The following MAPK12 variants were observed in gnomAD, a reference collection of about 807,000 sequenced individuals.
MAPK12 encodes the protein MAP kinase 12.
MAPK12 carries 49 observed loss-of-function variants against 49.1 expected under a neutral mutation model. The ratio of observed to expected loss-of-function variants is 1.00; its 90% confidence interval spans 0.79 to 1.27. The LOEUF (loss-of-function observed/expected upper bound fraction) is 1.27, where lower values mean the gene tolerates loss of function less well. Ranked by LOEUF, MAPK12 falls within the 50% of genes most tolerant of loss-of-function variation. The probability of loss-of-function intolerance (pLI) is 0.00; values close to 1 mark genes in which losing one functional copy is unlikely to be tolerated. For synonymous variants in MAPK12, 251 were observed against 209.7 expected (o/e 1.20, Z -1.70); for missense variants, 554 against 502.4 (o/e 1.10, Z -0.98).
intron 3 of MAPK12, chr22:50,257,659 G>C: frequency 1.7e-6 from 1 of 587,502 alleles, no homozygotes; most frequent in Non-Finnish European, 3.0e-6. Flanking sequence ...CAGAGGGGTC[G>C]GCTGGGCCGG....
At position 50,261,224 on chromosome 22, in the gene MAPK12, C is replaced by A; in HGVS notation, c.198G>T (p.Leu66=). ...KKLYRPFQSE[L]FAKRAYRELR... is the part of the protein sequence containing the mutation. ...GCTCGCGGTAGGCGCGCTTGGCGAA[C>A]AGCTCGGACTGGAAAGGCCGATACA... Residue 66 remains leucine, a synonymous_variant, in exon 2 of 12, where the codon CTG becomes CTT. Coordinates refer to ENST00000215659, the MANE Select transcript of MAPK12 (RefSeq NM_002969.6). The A allele has an allele frequency of 2.5e-6, 4 of 1,589,002 alleles. No homozygotes were observed. The highest frequency in any genetic ancestry group is 3.4e-6 in the Non-Finnish European group (4 of 1,169,126).
Position 50,256,678 on chromosome 22 carries a change from C to T in MAPK12, c.457-32G>A, listed in dbSNP as rs751298244. 5 of 1,594,770 alleles carry T rather than the reference C, an allele frequency of 3.1e-6. No individual in the cohort carries two copies. In the African/African-American group the frequency reaches 6.7e-5, roughly 22 times the overall value. On this transcript the variant is annotated intron_variant, in intron 5 of 11. Coordinates refer to ENST00000215659, the MANE Select transcript of MAPK12 (RefSeq NM_002969.6). ...GCAGAGGAAAGGTGGCCACTGTGCC[C>T]CACCCTCCCAAGCATGGGCACAGCC...
chr22:50,255,749 C>A (rs2065143394), intron 8 of MAPK12, 55 bp from the exon 9 acceptor site: 1 of 1,610,270 alleles, frequency 6.2e-7, no homozygotes, highest in African/African-American at 1.3e-5. Flanking sequence ...CCCCCACTGC[C>A]CCCACCTGGG....
Position 50,261,469 on chromosome 22 carries a change from TG to T in MAPK12, c.40del (p.Gln14ArgfsTer3). The T allele has an allele frequency of 2.4e-6, 3 of 1,276,030 alleles. No individual in the cohort carries two copies. Among genetic ancestry groups the T allele is most frequent in the African/African-American group, 1.6e-5 (1 of 63,194 alleles). The allele number at this position is 1,276,030 out of a possible 1,614,324, so 79.0% of individuals were successfully genotyped here. A position where few individuals can be genotyped will look rare whatever the true frequency, so the allele number is the denominator to read the frequency against. ...CTCCCAGGCCGTCTTGGTCACCTCC[TG>T]GCGGTAAAAGCCACTGCGGGCGGGC... ...PPPARSGFYR[Q>X]EVTKTAWEVR... On this transcript the variant is annotated frameshift_variant, in exon 1 of 12. Coordinates refer to ENST00000215659, the MANE Select transcript of MAPK12 (RefSeq NM_002969.6). LOFTEE classifies it high-confidence loss of function.
Position 50,256,106 on chromosome 22 carries a change from A to G in MAPK12, c.598T>C (p.Trp200Arg). 2 of 1,612,614 alleles carry G rather than the reference A, an allele frequency of 1.2e-6. No individual in the cohort carries two copies. Among genetic ancestry groups the G allele is most frequent in the Non-Finnish European group, 1.7e-6 (2 of 1,179,832 alleles). The change falls in exon 7 of 12, where the codon TGG becomes CGG. Residue 200 changes from tryptophan to arginine, a missense_variant. Trp to Arg is a moderately radical substitution (Grantham distance 101, BLOSUM62 -3). Coordinates refer to ENST00000215659, the MANE Select transcript of MAPK12 (RefSeq NM_002969.6). ...TCACCCGTCTGCGTGTAGCGCATCC[A>G]ATTCAAGATGACCTCGGGAGCCCGG... is the stretch of plus-strand genomic sequence containing the variant. Reference protein sequence around the residue: ...WYRAPEVILNWMRYTQTVDIW... With the variant: ...WYRAPEVILNRMRYTQTVDIW...
intron 11 of MAPK12, 37 bp downstream of exon 11, chr22:50,255,160 G>C (rs1203036771): frequency 6.2e-7 from 1 of 1,611,126 alleles, no homozygotes; most frequent in African/African-American, 1.3e-5. Context: ...CCCCCCACTT[G>C]GGTCCACACA....
Position 50,253,499 on chromosome 22 carries a change from C to CGGGGGGGGGGGGGGGGGG in MAPK12, c.1025-20_1025-19insCCCCCCCCCCCCCCCCCC. 1.5e-6 allele frequency: 1 copy of CGGGGGGGGGGGGGGGGGG among 660,034 alleles called. No homozygotes were observed. Among genetic ancestry groups the CGGGGGGGGGGGGGGGGGG allele is most frequent in the Non-Finnish European group, 2.1e-6 (1 of 486,418 alleles). 40.9% of individuals were successfully genotyped at this position (660,034 alleles called of 1,614,324 possible). On this transcript the variant is annotated intron_variant, in intron 11 of 11. Transcript: ENST00000215659. Reference sequence around the variant, plus strand: ...GTAACACCTGGCGGGGGTGGGGGGGCGGGCACAACAGAGAGGGGGGTCAGC... The same window carrying CGGGGGGGGGGGGGGGGGG: ...GTAACACCTGGCGGGGGTGGGGGGGCGGGGGGGGGGGGGGGGGGGGGCACAACAGAGAGGGGGGTCAGC...
intron 11 of MAPK12, chr22:50,254,506 G>A (rs2065128630): frequency 7.9e-6 from 2 of 252,998 alleles, no homozygotes; most frequent in African/African-American, 2.3e-5. Flanking sequence ...CAAAAAATTA[G>A]CCAGGCCTGG....
At chr22:50,257,758 C>T in intron 3 of MAPK12, 2 of 677,624 alleles carry the variant, frequency 3.0e-6, no homozygotes, top group South Asian at 3.2e-5. Flanking sequence ...CGCCTGCTAC[C>T]CTCTCCAGGC....
chr22:50,255,747 GC>G (rs960555806), intron 8 of MAPK12, 53 bp from the exon 9 acceptor site: 4 of 1,609,404 alleles, frequency 2.5e-6, no homozygotes, highest in Admixed American at 1.7e-5. Context: ...GGCCCCCACT[GC>G]CCCCACCTGG....
Position 50,257,315 on chromosome 22 carries a change from C to A in MAPK12, c.315-122G>T, listed in dbSNP as rs1280236649. ...AACAGGCACCCCCAGGAAGGTCACC[C>A]CTGCAGCACACATCCACACTGGCCT... On this transcript the variant is annotated intron_variant, in intron 3 of 11. Transcript: ENST00000215659. 18 of 702,628 alleles carry A rather than the reference C, an allele frequency of 2.6e-5. 1 individual carries two copies. The Admixed American group carries it at 3.7e-4, about 15-fold the overall frequency. The allele number at this position is 702,628 out of a possible 1,614,324, so 43.5% of individuals were successfully genotyped here.
chr22:50,260,373 G>A (rs563295284), intron 2 of MAPK12, among the ~76,000 whole-genome samples: 3 of 152,188 alleles, frequency 2.0e-5, no homozygotes, highest in Admixed American at 2.0e-4. Flanking sequence ...CCAGCCCTCA[G>A]GCTGGGCCCA....
rs535074326 is a variant in MAPK12 at position 50,253,637 on chromosome 22, C to T, written c.1025-157G>A. ...CTGAGAGAAGGTTTGTGTGAAGAGG[C>T]CATTGCTCTAGATCTGGATTTTCCA... On this transcript the variant is annotated intron_variant, in intron 11 of 11. Coordinates refer to ENST00000215659, the MANE Select transcript of MAPK12 (RefSeq NM_002969.6). The T allele has an allele frequency of 1.8e-5, 11 of 615,882 alleles. No homozygotes were observed. In the East Asian group the frequency reaches 2.8e-4, roughly 15 times the overall value. 38.2% of individuals were successfully genotyped at this position (615,882 alleles called of 1,614,324 possible).
intron 7 of MAPK12, 41 bp downstream of exon 7, chr22:50,256,043 TG>T (rs1569142065): frequency 6.4e-7 from 1 of 1,564,452 alleles, no homozygotes; most frequent in South Asian, 1.1e-5. Context: ...GAGAAGCAGA[TG>T]GTGCAGCCTG....
intron 11 of MAPK12, 22 bp from the exon 12 acceptor site, chr22:50,253,502 G>GGGGGGGGGGGGGGGGGGGGGGAC: frequency 1.2e-5 from 2 of 171,686 alleles, no homozygotes; most frequent in Non-Finnish European, 1.1e-5. Context: ...GGGGGGGCGG[G>GGGGGGGGGGGGGGGGGGGGGGAC]CACAACAGAG....
At chr22:50,260,619 G>T (rs1389993522) in intron 2 of MAPK12, among the ~76,000 whole-genome samples, 1 of 152,174 alleles carries the variant, frequency 6.6e-6, no homozygotes, top group African/African-American at 2.4e-5. Context: ...TCAAACAGCA[G>T]CTCCCTAAAC....
chr22:50,259,028 C>T (rs2065181530), intron 2 of MAPK12, among the ~76,000 whole-genome samples: 1 of 152,222 alleles, frequency 6.6e-6, no homozygotes, highest in South Asian at 2.1e-4. Flanking sequence ...AGGGAGCCGG[C>T]AGGGCAGCAC....
At chr22:50,255,086 AC>A in intron 11 of MAPK12, 110 bp downstream of exon 11, 1 of 1,526,900 alleles carries the variant, frequency 6.5e-7, no homozygotes, top group Non-Finnish European at 8.8e-7. Flanking sequence ...CCCCCAACTC[AC>A]GGGTCCACAC....
At chr22:50,261,053 CGCCCG>C in intron 2 of MAPK12, 109 bp downstream of exon 2, 1 of 1,268,744 alleles carries the variant, frequency 7.9e-7, no homozygotes, top group Non-Finnish European at 1.0e-6. Context: ...GCCCGACCCC[CGCCCG>C]GCCCCACAGC....
Sources: allele counts gnomAD v4.1 joint callset (sites outside exome capture counted in the v4.1 genomes callset), GRCh38; gene constraint gnomAD v4.1.1; transcripts MANE v1.5; gene names NCBI Gene and HGNC (gene_info 2026-07-23, HGNC 2026-07-21).